Variants in ARHGEF10 observed in about 807,000 individuals in gnomAD.
ARHGEF10 encodes Rho guanine nucleotide exchange factor (GEF) 10.
In ARHGEF10, 140 loss-of-function variants were observed where a neutral mutation model predicts 147.4. The ratio of observed to expected loss-of-function variants is 0.95; its 90% CI spans 0.83 to 1.09. The LOEUF is 1.09. Among genes scored for constraint, ARHGEF10 ranks in the 50% least tolerant of loss-of-function variants. ARHGEF10 has a pLI of 0.00. For missense variants in ARHGEF10, 2,222 were observed against 1,752.7 expected (o/e 1.27, Z -4.78); for synonymous variants, 902 against 695.8 (o/e 1.30, Z -4.67).
chr8:1,922,501 A>G (rs973074684), intron 18 of ARHGEF10, among the ~76,000 whole-genome samples: 3 of 152,212 alleles, frequency 2.0e-5, no homozygotes, highest in African/African-American at 7.2e-5. Context: ...GGGTCGCGAA[A>G]GAGGAAGATT....
chr8:1,912,167 G>C (rs539338119), intron 18 of ARHGEF10, among the ~76,000 whole-genome samples: 1 of 152,160 alleles, frequency 6.6e-6, no homozygotes, highest in Non-Finnish European at 1.5e-5. Context: ...CCCTGCAAAA[G>C]CGCCGTGTCG....
intron 2 of ARHGEF10, among the ~76,000 whole-genome samples, chr8:1,850,369 C>T (rs1198354817): frequency 1.5e-4 from 21 of 140,024 alleles, no homozygotes; most frequent in Admixed American, 6.5e-4. Flanking sequence ...GGGTGTGGGG[C>T]GGCCGCGTGG....
intron 2 of ARHGEF10, among the ~76,000 whole-genome samples, chr8:1,848,184 C>T (rs759289911): frequency 5.9e-5 from 9 of 152,244 alleles, no homozygotes; most frequent in Non-Finnish European, 1.0e-4. Flanking sequence ...TTGTATTTGT[C>T]GTCCTCTCTT....
rs561004079 is a variant in ARHGEF10, at chr8:1,903,186, G to A, written c.1651-95G>A. The A allele has an allele frequency of 3.3e-4, 490 of 1,476,906 alleles. 4 individuals are homozygous for A. The highest frequency in any genetic ancestry group is 2.0e-3 in the Admixed American group (118 of 59,814). The allele number at this position is 1,476,906 out of a possible 1,614,324, so 91.5% of individuals were successfully genotyped here. On this transcript the variant is annotated intron_variant, in intron 15 of 28. Transcript: ENST00000349830. ...TTTCCCCAGGATGGCAGATGCCACT[G>A]CCTCCTTTCCATTGTCAGCTGGCGG...
At chr8:1,886,208 C>T (rs1396523875) in intron 11 of ARHGEF10, among the ~76,000 whole-genome samples, 1 of 152,144 alleles carries the variant, frequency 6.6e-6, no homozygotes, top group African/African-American at 2.4e-5. Flanking sequence ...ATTGGATTGT[C>T]TTAGGGTAAA....
chr8:1,928,951 C>G (rs1812898348), intron 24 of ARHGEF10, among the ~76,000 whole-genome samples: 2 of 152,148 alleles, frequency 1.3e-5, no homozygotes, highest in Non-Finnish European at 2.9e-5. Context: ...ACATTCCCCC[C>G]TTATATTTTG....
intron 11 of ARHGEF10, among the ~76,000 whole-genome samples, chr8:1,891,053 A>G (rs749032287): frequency 1.3e-5 from 2 of 152,012 alleles, no homozygotes; most frequent in Non-Finnish European, 2.9e-5. Context: ...TTTAATGTCT[A>G]TTTCCATCTT....
chr8:1,934,755 A>G (rs1813438537), intron 26 of ARHGEF10, among the ~76,000 whole-genome samples: 1 of 152,240 alleles, frequency 6.6e-6, no homozygotes, highest in Non-Finnish European at 1.5e-5. Context: ...AAAGCAGTAG[A>G]ACAGTTTTAT....
At chr8:1,936,484 T>C (rs1373363652) in intron 26 of ARHGEF10, among the ~76,000 whole-genome samples, 1 of 152,168 alleles carries the variant, frequency 6.6e-6, no homozygotes, top group Non-Finnish European at 1.5e-5. Context: ...TACTCCAGCC[T>C]GGGCAACAGA....
Position 1,888,260 on chromosome 8 carries a change from G to A in ARHGEF10, c.1182+2553G>A, listed in dbSNP as rs1408740741. Among the ~76,000 whole-genome samples, 110 of 58,916 alleles carry A rather than the reference G, an allele frequency of 1.9e-3. 6 individuals carry two copies. The highest frequency in any genetic ancestry group is 3.4e-3 in the Admixed American group (19 of 5,600). The allele number at this position is 58,916 out of a possible 152,430, so 38.7% of individuals were successfully genotyped here. On this transcript the variant is annotated intron_variant, in intron 11 of 28. Transcript: ENST00000349830. ...AGTGTGGTGAGGGTTGCGAGGAGAT[G>A]CTGAGTGGGGCTGTAGGTTCTGAGG... is the stretch of plus-strand genomic sequence containing the variant.
At chr8:1,943,732 C>G (rs1283081285) in intron 26 of ARHGEF10, 1 of 152,166 alleles carries the variant, frequency 6.6e-6, no homozygotes, top group Non-Finnish European at 1.5e-5. Flanking sequence ...AGTTCCTTCT[C>G]ATTGACAAAT....
In ARHGEF10 at chr8:1,851,742, G is replaced by A. The variant is rs546802860; in HGVS notation, c.38-6218G>A. On this transcript the variant is annotated intron_variant, in intron 2 of 28. Coordinates refer to ENST00000349830, the MANE Select transcript of ARHGEF10 (RefSeq NM_014629.4). ...AGCCTGGGCAACATAGTGCCACCTC[G>A]TCTCTATTAAAAATAATAAAACTTA... Among the ~76,000 whole-genome samples, 7 of 152,112 alleles carry A rather than the reference G, an allele frequency of 4.6e-5. No homozygotes were observed. In the East Asian group the frequency reaches 9.7e-4, roughly 21 times the overall value.
chr8:1,859,171 C>T (rs115089875), intron 3 of ARHGEF10, among the ~76,000 whole-genome samples: 6,560 of 83,432 alleles, frequency 0.079, 10 homozygotes, highest in South Asian at 0.13. Flanking sequence ...TCTTTGTGCA[C>T]AGCACCAGCC....
intron 10 of ARHGEF10, among the ~76,000 whole-genome samples, chr8:1,884,435 C>T (rs772266407): frequency 1.2e-4 from 18 of 152,004 alleles, no homozygotes; most frequent in Non-Finnish European, 2.1e-4. Context: ...AACCTCCCAA[C>T]CCGAGTTTCC....
chr8:1,950,023 G>C (rs1192378549), intron 27 of ARHGEF10, among the ~76,000 whole-genome samples: 1 of 152,270 alleles, frequency 6.6e-6, no homozygotes, highest in East Asian at 1.9e-4. Flanking sequence ...CTGCCTCTGT[G>C]GCTGCCTGCA....
chr8:1,877,787 T>C (rs1472445711), intron 8 of ARHGEF10, among the ~76,000 whole-genome samples: 1 of 152,070 alleles, frequency 6.6e-6, no homozygotes, highest in Non-Finnish European at 1.5e-5. Flanking sequence ...GTGATGTCTG[T>C]GTACTTTCTG....
chr8:1,883,357 G>A (rs1808381536), intron 10 of ARHGEF10, among the ~76,000 whole-genome samples: 1 of 152,084 alleles, frequency 6.6e-6, no homozygotes, highest in Admixed American at 6.6e-5. Context: ...TCGAGTTACG[G>A]GAGGGTGACT....
chr8:1,951,852 G>A (rs530231528), intron 27 of ARHGEF10, among the ~76,000 whole-genome samples: 7 of 150,464 alleles, frequency 4.7e-5, no homozygotes, highest in African/African-American at 7.3e-5. Context: ...ACAGTGAGGC[G>A]GGGTCTTTGG....
intron 1 of ARHGEF10, among the ~76,000 whole-genome samples, chr8:1,831,564 A>T (rs111823912): frequency 1.9e-3 from 276 of 143,298 alleles, no homozygotes; most frequent in Non-Finnish European, 2.3e-3. Context: ...GGACAGTGTG[A>T]CATCCGTGGA....
Sources: gnomAD v4.1 joint callset for allele counts (sites outside exome capture counted in the v4.1 genomes callset) on GRCh38, gnomAD v4.1.1 for gene constraint, MANE v1.5 for transcripts, NCBI Gene and HGNC (gene_info 2026-07-23, HGNC 2026-07-21) for gene names.